The following NEO1 variants were observed in gnomAD, a reference collection of about 807,000 sequenced individuals.
NEO1 encodes the protein neogenin.
In NEO1, 63 loss-of-function variants were observed where a neutral mutation model predicts 159.7. That is an observed-to-expected ratio of 0.39 (90% CI 0.32 to 0.49). The LOEUF is 0.49. NEO1 is among the 20% of genes least tolerant of loss of function. The pLI, the probability that NEO1 is intolerant of heterozygous loss-of-function variation, is 0.85. For synonymous variants in NEO1, 633 were observed against 662.0 expected (o/e 0.96, Z 0.67); for missense variants, 1,615 against 1,831.0 (o/e 0.88, Z 2.15).
At chr15:73,259,376 T>C (rs2040515784) in intron 14 of NEO1, among the ~76,000 whole-genome samples, 1 of 150,416 alleles carries the variant, frequency 6.6e-6, no homozygotes, top group Non-Finnish European at 1.5e-5. Flanking sequence ...ACTAATTTTT[T>C]TTTTTTTTTG....
Position 73,249,585 on chromosome 15 carries a change from T to A in NEO1, c.1758T>A (p.Asp586Glu), listed in dbSNP as rs750504648. Residue 586 changes from aspartate to glutamate, a missense_variant and splice_region_variant, in exon 11 of 29, where the codon GAT (aspartate) becomes GAA (glutamate). By Grantham distance (45) the Asp-to-Glu change is conservative. Coordinates refer to ENST00000261908, the MANE Select transcript of NEO1 (RefSeq NM_002499.4). Reference sequence around the variant, plus strand: ...TAAAGTGTTTTATTTTATTCAAGGATGTTGATGTTTCAAGTCACTCTTACA... The same window carrying A: ...TAAAGTGTTTTATTTTATTCAAGGAAGTTGATGTTTCAAGTCACTCTTACA... Reference protein sequence around the residue: ...YMEKGTDKEQDVDVSSHSYTI... With the variant: ...YMEKGTDKEQEVDVSSHSYTI... 6.3e-7 allele frequency: 1 copy of A among 1,598,512 alleles called. No individual in the cohort carries two copies. Among genetic ancestry groups the A allele is most frequent in the African/African-American group, 1.4e-5 (1 of 73,938 alleles).
At chr15:73,141,535 G>A (rs74664907) in intron 5 of NEO1, among the ~76,000 whole-genome samples, 238 of 152,144 alleles carry the variant, frequency 1.6e-3, no homozygotes, top group African/African-American at 5.4e-3. Context: ...CATGTCTCCC[G>A]TGCCACCAAA....
At chr15:73,236,215 G>T (rs557295215) in intron 7 of NEO1, 132 bp from the exon 8 acceptor site, 335 of 1,217,552 alleles carry the variant, frequency 2.8e-4, no homozygotes, top group East Asian at 9.8e-4. Context: ...TTTGTTTTTT[G>T]TTTTTTCTGT....
intron 1 of NEO1, among the ~76,000 whole-genome samples, chr15:73,091,756 T>G (rs1410874250): frequency 2.7e-5 from 3 of 110,492 alleles, no homozygotes; most frequent in African/African-American, 1.2e-4. Flanking sequence ...TTTTTTTTTT[T>G]GCAGAGACTA....
chr15:73,137,577 G>A (rs1374749431), intron 5 of NEO1, among the ~76,000 whole-genome samples: 3 of 152,094 alleles, frequency 2.0e-5, no homozygotes, highest in Admixed American at 6.6e-5. Flanking sequence ...GCTCCCTGCA[G>A]CCTCGACCTC....
At chr15:73,121,436 T>C (rs964209976) in intron 2 of NEO1, among the ~76,000 whole-genome samples, 3 of 152,186 alleles carry the variant, frequency 2.0e-5, no homozygotes, top group African/African-American at 4.8e-5. Flanking sequence ...GCATGTGATA[T>C]TTTGTTCTGT....
chr15:73,081,723 A>C (rs1483477265), intron 1 of NEO1, among the ~76,000 whole-genome samples: 3 of 151,816 alleles, frequency 2.0e-5, no homozygotes, highest in Non-Finnish European at 4.4e-5. Flanking sequence ...CCATAGGTGC[A>C]TGCCACCACA....
intron 1 of NEO1, among the ~76,000 whole-genome samples, chr15:73,095,000 A>T (rs1340174494): frequency 6.6e-6 from 1 of 152,012 alleles, no homozygotes; most frequent in African/African-American, 2.4e-5. Flanking sequence ...CACGAGGTCA[A>T]GAGATTGAGA....
chr15:73,069,414 CT>C lies in NEO1; in HGVS notation c.130+16620del, dbSNP rs1173712054. ...GATACCTTTCTCTGAGGCCAAGAGA[CT>C]TTTTTTTTTTAAAGAGAGAGAAACA... On this transcript the variant is annotated intron_variant, in intron 1 of 28. Coordinates refer to ENST00000261908, the MANE Select transcript of NEO1 (RefSeq NM_002499.4). Among the ~76,000 whole-genome samples, 70 of 144,134 alleles carry C rather than the reference CT, an allele frequency of 4.9e-4. 1 individual carries two copies. The highest frequency in any genetic ancestry group is 6.2e-4 in the Admixed American group (9 of 14,452). The allele number at this position is 144,134 out of a possible 152,430, so 94.6% of individuals were successfully genotyped here. A position where few individuals can be genotyped will look rare whatever the true frequency, so the allele number is the denominator to read the frequency against.
intron 7 of NEO1, among the ~76,000 whole-genome samples, chr15:73,187,017 G>A (rs1339930812): frequency 6.6e-6 from 1 of 152,214 alleles, no homozygotes; most frequent in Non-Finnish European, 1.5e-5. Flanking sequence ...AAGTGTGACA[G>A]AATGGTATAT....
chr15:73,087,642 A>G (rs2069439416), intron 1 of NEO1, among the ~76,000 whole-genome samples: 1 of 152,126 alleles, frequency 6.6e-6, no homozygotes, highest in Non-Finnish European at 1.5e-5. Context: ...AGATAAATTT[A>G]CTTTCATAAT....
chr15:73,185,680 A>G (rs539904232), intron 7 of NEO1, among the ~76,000 whole-genome samples: 12 of 152,330 alleles, frequency 7.9e-5, no homozygotes, highest in African/African-American at 2.9e-4. Context: ...TTACACACAA[A>G]TGTTTAGAAG....
intron 1 of NEO1, among the ~76,000 whole-genome samples, chr15:73,076,260 G>C (rs2068761750): frequency 6.6e-6 from 1 of 152,142 alleles, no homozygotes; most frequent in Non-Finnish European, 1.5e-5. Context: ...AATAGATTCT[G>C]TGATATTTTT....
rs2041318907 is a variant in NEO1 at position 73,274,594 on chromosome 15, G to T, written c.3161-98G>T. The T allele has an allele frequency of 3.5e-6, 4 of 1,159,082 alleles. No homozygotes were observed. In the South Asian group the frequency reaches 3.9e-5, roughly 11 times the overall value. 71.8% of individuals were successfully genotyped at this position (1,159,082 alleles called of 1,614,324 possible). A position where few individuals can be genotyped will look rare whatever the true frequency, so the allele number is the denominator to read the frequency against. On this transcript the variant is annotated intron_variant, in intron 20 of 28. Transcript: ENST00000261908. The stretch of plus-strand genomic sequence containing the variant: ...TTCAGTTTGTTTGGAAGTTTGTGGG[G>T]GTTTTAGTTTTTTTCCTTTAAAAAG...
intron 7 of NEO1, among the ~76,000 whole-genome samples, chr15:73,214,569 A>G (rs937006162): frequency 6.6e-6 from 1 of 152,188 alleles, no homozygotes; most frequent in Non-Finnish European, 1.5e-5. Flanking sequence ...TTTGTCAAAG[A>G]TCAGTTGGCT....
chr15:73,222,013 C>T (rs8043477), intron 7 of NEO1: 1 of 152,406 alleles, frequency 6.6e-6, no homozygotes, highest in African/African-American at 2.4e-5. Context: ...AATCACCCAT[C>T]TTCTGCGTCG....
intron 5 of NEO1, among the ~76,000 whole-genome samples, chr15:73,150,608 C>T (rs2033290937): frequency 6.6e-6 from 1 of 152,092 alleles, no homozygotes; most frequent in Admixed American, 6.6e-5. Context: ...ATTAGCTAAG[C>T]TTTAATATTT....
intron 1 of NEO1, among the ~76,000 whole-genome samples, chr15:73,101,439 T>A (rs2070396170): frequency 6.6e-6 from 1 of 152,166 alleles, no homozygotes; most frequent in Non-Finnish European, 1.5e-5. Context: ...TCTTTCCCAC[T>A]CTCTCTCTGC....
intron 7 of NEO1, among the ~76,000 whole-genome samples, chr15:73,201,147 C>T (rs897580305): frequency 6.6e-6 from 1 of 151,394 alleles, no homozygotes; most frequent in African/African-American, 2.4e-5. Context: ...ATTTTATTTT[C>T]TCTATTTTTC....
Sources: allele counts gnomAD v4.1 joint callset (sites outside exome capture counted in the v4.1 genomes callset), GRCh38; gene constraint gnomAD v4.1.1; transcripts MANE v1.5; gene names NCBI Gene and HGNC (gene_info 2026-07-23, HGNC 2026-07-21).